Variants in GPR137B observed in about 807,000 individuals in gnomAD.
GPR137B encodes G protein-coupled receptor 137B.
In GPR137B, 42 loss-of-function variants were observed where a neutral mutation model predicts 42.5. That is an observed-to-expected ratio of 0.99 (90% CI 0.77 to 1.28). GPR137B has a LOEUF of 1.28. GPR137B is among the 50% of genes most tolerant of loss of function. GPR137B has a pLI of 0.00. For missense variants in GPR137B, 487 were observed against 493.9 expected, an observed-to-expected ratio of 0.99 and a Z score of 0.13; for synonymous variants, 218 against 209.7, an observed-to-expected ratio of 1.04 and a Z score of -0.34.
At chr1:236,152,618 G>A (rs534877188) in intron 1 of GPR137B, among the ~76,000 whole-genome samples, 5 of 152,186 alleles carry the variant, frequency 3.3e-5, no homozygotes, top group African/African-American at 4.8e-5. Flanking sequence ...TTAGCTAGGC[G>A]TGGTGGGCGC....
Position 236,152,214 on chromosome 1 carries a change from C to T in GPR137B, c.414+9178C>T, listed in dbSNP as rs568966580. Among the ~76,000 whole-genome samples, 11 of 151,978 alleles carry T rather than the reference C, an allele frequency of 7.2e-5. No homozygotes were observed. The East Asian group carries it at 1.9e-3, about 27-fold the overall frequency. On this transcript the variant is annotated intron_variant, in intron 1 of 6. Coordinates refer to ENST00000366592, the MANE Select transcript of GPR137B (RefSeq NM_003272.4). ...TGGTGAATTACACCTGTAATCCCAACACTTTGGGAGGACGAGGCAGGAGGT... is the reference window on the plus strand; with the variant it reads ...TGGTGAATTACACCTGTAATCCCAATACTTTGGGAGGACGAGGCAGGAGGT...
At chr1:236,153,820 G>T (rs1661938685) in intron 1 of GPR137B, among the ~76,000 whole-genome samples, 1 of 152,188 alleles carries the variant, frequency 6.6e-6, no homozygotes, top group African/African-American at 2.4e-5. Flanking sequence ...GCTTTAAAAA[G>T]AACCAGTGGT....
chr1:236,184,599 G>A (rs1171466400), intron 5 of GPR137B, among the ~76,000 whole-genome samples: 2 of 152,110 alleles, frequency 1.3e-5, no homozygotes, highest in African/African-American at 4.8e-5. Flanking sequence ...AGCAAAGAGC[G>A]GGTGGTGAAG....
At chr1:236,207,231 GAAA>G (rs1440154129) in intron 6 of GPR137B, 15 of 985,226 alleles carry the variant, frequency 1.5e-5, no homozygotes, top group African/African-American at 3.5e-5. Context: ...TTGTCGCTGA[GAAA>G]AAAGAAGAAA....
At chr1:236,193,683 C>T (rs1663260479) in intron 5 of GPR137B, among the ~76,000 whole-genome samples, 1 of 152,132 alleles carries the variant, frequency 6.6e-6, no homozygotes, top group Admixed American at 6.6e-5. Flanking sequence ...GGAGAAATGT[C>T]TGTTCACATC....
intron 2 of GPR137B, 128 bp downstream of exon 2, chr1:236,168,883 C>G: frequency 1.4e-6 from 1 of 736,778 alleles, no homozygotes; most frequent in East Asian, 2.5e-5. Context: ...TGCCTGCTGG[C>G]TGGCTGCCCA....
At position 236,142,855 on chromosome 1, in the gene GPR137B, A is replaced by C; in HGVS notation, c.233A>C (p.Gln78Pro). 6.2e-7 allele frequency: 1 copy of C among 1,614,160 alleles called. No individual in the cohort carries two copies. Among genetic ancestry groups the C allele is most frequent in the Non-Finnish European group, 8.5e-7 (1 of 1,179,984 alleles). The change falls in exon 1 of 7, where the codon CAG (glutamine) becomes CCG (proline). Residue 78 changes from glutamine (Q) to proline (P), a missense_variant. Physicochemically the swap from Gln to Pro is moderately conservative, Grantham distance 76 (BLOSUM62 -1). Coordinates refer to ENST00000366592, the MANE Select transcript of GPR137B (RefSeq NM_003272.4). ...TACCGCCACAAGCGGCTCAGCTACCAGAGCGTCTTCCTCTTTCTCTGCCTC... is the reference window on the plus strand; with the variant it reads ...TACCGCCACAAGCGGCTCAGCTACCCGAGCGTCTTCCTCTTTCTCTGCCTC... ...LRYRHKRLSY[Q>P]SVFLFLCLFW...
At chr1:236,202,105 C>G (rs1254196176) in intron 5 of GPR137B, among the ~76,000 whole-genome samples, 1 of 152,020 alleles carries the variant, frequency 6.6e-6, no homozygotes, top group Non-Finnish European at 1.5e-5. Context: ...AATTCATCTT[C>G]AGATCTCCCA....
At position 236,208,530 on chromosome 1, in the gene GPR137B, A is replaced by G; in HGVS notation, c.*372A>G. The G allele has an allele frequency of 1.1e-6, 1 of 947,428 alleles. No individual in the cohort carries two copies. The highest frequency in any genetic ancestry group is 1.3e-6 in the Non-Finnish European group (1 of 790,168). The allele number at this position is 947,428 out of a possible 1,614,324, so 58.7% of individuals were successfully genotyped here. ...CTTTTATGCATAATTCACTTTAAAA[A>G]TATAGAATATATGGTCTAATAGTTT... On this transcript the variant is annotated 3_prime_UTR_variant, in exon 7 of 7. Coordinates refer to ENST00000366592, the MANE Select transcript of GPR137B (RefSeq NM_003272.4).
rs906834043 is a variant in GPR137B at position 236,156,783 on chromosome 1, G to A, written c.415-11923G>A. Among the ~76,000 whole-genome samples the A allele has an allele frequency of 1.4e-4, 21 of 152,288 alleles. No homozygotes were observed. Among genetic ancestry groups the A allele is most frequent in the African/African-American group, 5.1e-4 (21 of 41,552 alleles). On this transcript the variant is annotated intron_variant, in intron 1 of 6. Transcript: ENST00000366592. This position sits in a 1 kb window ranked among gnomAD's most constrained non-coding sequence, Gnocchi z 4.8. ...TGTTGCCTGGGGAGACCAGGGCCCT[G>A]GGGTTTGCATAATTTCCCCAATATA...
chr1:236,202,822 G>A (rs1285021847), intron 5 of GPR137B, among the ~76,000 whole-genome samples: 4 of 152,184 alleles, frequency 2.6e-5, no homozygotes, highest in South Asian at 2.1e-4. Context: ...ATGTTTTCTT[G>A]TAGTAGTTTC....
Position 236,208,176 on chromosome 1 carries a change from A to G in GPR137B, c.*18A>G, listed in dbSNP as rs1558498921. On this transcript the variant is annotated 3_prime_UTR_variant, in exon 7 of 7. Coordinates refer to ENST00000366592, the MANE Select transcript of GPR137B (RefSeq NM_003272.4). ...TTGGGTAGCATCAGTTAACAGTTTT[A>G]TGGACGATTCCTCAGATGAAAAGCT... The G allele has an allele frequency of 6.2e-7, 1 of 1,612,334 alleles. No individual in the cohort carries two copies. The highest frequency in any genetic ancestry group is 1.1e-5 in the South Asian group (1 of 90,754).
chr1:236,202,589 A>G (rs192558248), intron 5 of GPR137B, among the ~76,000 whole-genome samples: 1 of 151,864 alleles, frequency 6.6e-6, no homozygotes, highest in Non-Finnish European at 1.5e-5. Flanking sequence ...CCTATCTCCT[A>G]TCCACCATCT....
chr1:236,161,543 T>C lies in GPR137B; in HGVS notation c.415-7163T>C, dbSNP rs369173886. On this transcript the variant is annotated intron_variant, in intron 1 of 6. Transcript: ENST00000366592. Reference sequence around the variant, plus strand: ...TCACGCCTCCCACATCTCCACACGCTTTTCACACCTCCTGTTATGGTTTGG... The same window carrying C: ...TCACGCCTCCCACATCTCCACACGCCTTTCACACCTCCTGTTATGGTTTGG... Among the ~76,000 whole-genome samples the C allele has an allele frequency of 4.1e-4, 48 of 116,396 alleles. 1 individual carries two copies. The South Asian group carries it at 7.3e-3, about 18-fold the overall frequency. The allele number at this position is 116,396 out of a possible 152,430, so 76.4% of individuals were successfully genotyped here.
intron 2 of GPR137B, among the ~76,000 whole-genome samples, chr1:236,170,593 C>T (rs1344530348): frequency 1.3e-5 from 2 of 152,140 alleles, no homozygotes; most frequent in East Asian, 3.8e-4. Flanking sequence ...CCAAGGAGAG[C>T]AATTTAAAGT....
intron 2 of GPR137B, among the ~76,000 whole-genome samples, chr1:236,172,526 A>T (rs1389166576): frequency 6.6e-6 from 1 of 152,210 alleles, no homozygotes; most frequent in Non-Finnish European, 1.5e-5. Flanking sequence ...CTGGAGTGGA[A>T]GGCAATTTAA....
intron 4 of GPR137B, among the ~76,000 whole-genome samples, chr1:236,182,185 G>C (rs1413018775): frequency 6.6e-6 from 1 of 152,010 alleles, no homozygotes; most frequent in African/African-American, 2.4e-5. Flanking sequence ...GCCACCGTTG[G>C]CTGGCCCTAT....
At chr1:236,184,852 C>T (rs950959218) in intron 5 of GPR137B, among the ~76,000 whole-genome samples, 4 of 152,108 alleles carry the variant, frequency 2.6e-5, no homozygotes, top group South Asian at 4.2e-4. Context: ...CTGCAACCTC[C>T]GCCTCCCGGG....
chr1:236,176,274 CAT>C (rs1662682072), intron 2 of GPR137B, among the ~76,000 whole-genome samples: 1 of 152,140 alleles, frequency 6.6e-6, no homozygotes, highest in South Asian at 2.1e-4. Flanking sequence ...TATCATGACA[CAT>C]GAGGTCGAAT....
Sources: gnomAD v4.1 joint callset for allele counts (sites outside exome capture counted in the v4.1 genomes callset) on GRCh38, gnomAD v4.1.1 for gene constraint, Gnocchi (gnomAD v3.1) non-coding constraint, MANE v1.5 for transcripts, NCBI Gene and HGNC (gene_info 2026-07-23, HGNC 2026-07-21) for gene names.